Variants in ITSN1 observed in about 807,000 individuals in gnomAD.
ITSN1 encodes intersectin-1.
Under a neutral mutation model 239.8 loss-of-function variants are expected in ITSN1, and 58 were observed. The ratio of observed to expected loss-of-function variants is 0.24; its 90% CI spans 0.20 to 0.30. The LOEUF (loss-of-function observed/expected upper bound fraction) is 0.30, where lower values mean the gene tolerates loss of function less well. ITSN1 is among the 10% of genes least tolerant of loss of function. The probability of loss-of-function intolerance (pLI) is 1.00; values close to 1 mark genes in which losing one functional copy is unlikely to be tolerated. For missense variants in ITSN1, 1,558 were observed against 2,103.3 expected, an observed-to-expected ratio of 0.74 and a Z score of 5.07; for synonymous variants, 780 against 770.8, an observed-to-expected ratio of 1.01 and a Z score of -0.20.
At chr21:33,655,604 G>A (rs1000730104) in intron 1 of ITSN1, among the ~76,000 whole-genome samples, 2 of 55,186 alleles carry the variant, frequency 3.6e-5, no homozygotes, top group Non-Finnish European at 7.7e-5. Context: ...TTTTTTTTTT[G>A]GTATTTTTAG....
chr21:33,718,771 C>T (rs953769336), intron 1 of ITSN1, 26 bp from the exon 2 acceptor site: 17 of 1,509,510 alleles, frequency 1.1e-5, no homozygotes, highest in Admixed American at 3.4e-5. Flanking sequence ...TTTTCATAAA[C>T]TTAAATGTTG....
intron 17 of ITSN1, among the ~76,000 whole-genome samples, chr21:33,795,481 A>C (rs2071472912): frequency 6.6e-6 from 1 of 152,174 alleles, no homozygotes; most frequent in Admixed American, 6.5e-5. Flanking sequence ...AGAAACGGAT[A>C]CTTGAGGCAA....
chr21:33,664,688 G>T (rs2089808855), intron 1 of ITSN1, among the ~76,000 whole-genome samples: 1 of 152,318 alleles, frequency 6.6e-6, no homozygotes, highest in Non-Finnish European at 1.5e-5. Flanking sequence ...TTGTTGTGAG[G>T]ATGTTAAAAC....
chr21:33,679,899 C>T (rs112742772), intron 1 of ITSN1, among the ~76,000 whole-genome samples: 5,805 of 152,002 alleles, frequency 0.038, 371 homozygotes, highest in African/African-American at 0.13. Flanking sequence ...GAGGTTTCAC[C>T]GTGTTAGCCA....
rs187521523 is a variant in ITSN1, at chr21:33,885,324, G to C, written c.4760-115G>C. The C allele has an allele frequency of 2.7e-6, 3 of 1,119,466 alleles. No homozygotes were observed. The South Asian group carries it at 4.0e-5, about 15-fold the overall frequency. 69.3% of individuals were successfully genotyped at this position (1,119,466 alleles called of 1,614,324 possible). On this transcript the variant is annotated intron_variant, in intron 37 of 39. Coordinates refer to ENST00000381318, the MANE Select transcript of ITSN1 (RefSeq NM_003024.3). ...CAAGGAAGCAAGTGTTTAAGGAGAG[G>C]GAAGAATTACTTTTGAGTCGGGAGA...
At chr21:33,734,196 C>T (rs1276393971) in intron 4 of ITSN1, among the ~76,000 whole-genome samples, 1 of 152,142 alleles carries the variant, frequency 6.6e-6, no homozygotes, top group Non-Finnish European at 1.5e-5. Context: ...GAGGTTAAGT[C>T]ATGAATATGC....
intron 34 of ITSN1, among the ~76,000 whole-genome samples, chr21:33,878,296 G>A (rs916382594): frequency 9.2e-5 from 14 of 152,092 alleles, no homozygotes; most frequent in African/African-American, 2.7e-4. Context: ...ACCTCCCAAA[G>A]TGCTGGGATT....
At chr21:33,877,394 G>A (rs1252333517) in intron 34 of ITSN1, among the ~76,000 whole-genome samples, 5 of 152,044 alleles carry the variant, frequency 3.3e-5, no homozygotes, top group African/African-American at 1.2e-4. Flanking sequence ...TATTCCTTCT[G>A]GAAGGACTGT....
chr21:33,692,329 G>A lies in ITSN1; in HGVS notation c.-32-26468G>A, dbSNP rs553249238. ...TAAGCACCCTACCTGGATTCTAGCT[G>A]GCGTGCTTTCTGTTCCATAACTTTA... On this transcript the variant is annotated intron_variant, in intron 1 of 39. Coordinates refer to ENST00000381318, the MANE Select transcript of ITSN1 (RefSeq NM_003024.3). 2.3e-3 allele frequency among the ~76,000 whole-genome samples: 343 copies of A among 152,284 alleles called. 2 individuals carry two copies. The highest frequency in any genetic ancestry group is 8.0e-3 in the African/African-American group (334 of 41,564).
chr21:33,874,198 C>A (rs914439793), intron 33 of ITSN1, among the ~76,000 whole-genome samples: 2 of 150,912 alleles, frequency 1.3e-5, no homozygotes, highest in Non-Finnish European at 3.0e-5. Context: ...TATAACCAAC[C>A]CAAATCATGG....
At chr21:33,805,137 C>A (rs1244362704) in intron 20 of ITSN1, among the ~76,000 whole-genome samples, 1 of 152,210 alleles carries the variant, frequency 6.6e-6, no homozygotes, top group Admixed American at 6.5e-5. Flanking sequence ...GTTAGGTAGT[C>A]AATTTCAGGA....
At chr21:33,683,981 G>C (rs1161476314) in intron 1 of ITSN1, among the ~76,000 whole-genome samples, 1 of 152,188 alleles carries the variant, frequency 6.6e-6, no homozygotes, top group African/African-American at 2.4e-5. Context: ...ATAAAGAGAG[G>C]AAAGGGGGAA....
Position 33,794,425 on chromosome 21 carries a change from C to G in ITSN1, c.1909C>G (p.Arg637Gly). The G allele has an allele frequency of 2.5e-6, 4 of 1,613,470 alleles. No individual in the cohort carries two copies. Among genetic ancestry groups the G allele is most frequent in the Non-Finnish European group, 2.5e-6 (3 of 1,179,700 alleles). The change falls in exon 17 of 40, where the codon CGA becomes GGA. Residue 637 changes from arginine (R) to glycine (G), a missense_variant. Physicochemically the swap from Arg to Gly is moderately radical, Grantham distance 125 (BLOSUM62 -2). This residue lies in a region of ITSN1 where 982 missense variants were observed against 1,209.9 expected (regional missense o/e 0.81). Coordinates refer to ENST00000381318, the MANE Select transcript of ITSN1 (RefSeq NM_003024.3). Reference protein sequence around the residue: ...AERLKQKEQERKIIELEKQKE... With the variant: ...AERLKQKEQEGKIIELEKQKE... Reference sequence around the variant, plus strand: ...ACGACTGAAACAGAAAGAACAAGAACGAAAGATCATAGAATTAGAAAAACA... The same window carrying G: ...ACGACTGAAACAGAAAGAACAAGAAGGAAAGATCATAGAATTAGAAAAACA...
intron 5 of ITSN1, among the ~76,000 whole-genome samples, chr21:33,742,397 AAAG>A (rs1172069201): frequency 1.1e-4 from 17 of 152,216 alleles, no homozygotes; most frequent in Non-Finnish European, 1.5e-5. Context: ...CTCTTAGTAA[AAAG>A]AAATACAAAC....
chr21:33,723,614 CA>C (rs1003528956), intron 4 of ITSN1, among the ~76,000 whole-genome samples: 9 of 145,072 alleles, frequency 6.2e-5, no homozygotes, highest in Admixed American at 1.4e-4. Context: ...ACTCCGTCTC[CA>C]AAAAAAAAAG....
rs1201874453 is a variant in ITSN1 at position 33,791,239 on chromosome 21, G to A, written c.1825-3102G>A. Among the ~76,000 whole-genome samples the A allele has an allele frequency of 2.6e-5, 4 of 152,182 alleles. No individual in the cohort carries two copies. In the East Asian group the frequency reaches 7.7e-4, roughly 29 times the overall value. ...AGCATGTTGATTTCCTTACAACTGT[G>A]TATCTCAGCAGTGTTTGACTTGGAT... On this transcript the variant is annotated intron_variant, in intron 16 of 39. Coordinates refer to ENST00000381318, the MANE Select transcript of ITSN1 (RefSeq NM_003024.3).
In ITSN1 at chr21:33,765,996, A is replaced by G; in HGVS notation, c.910A>G (p.Ile304Val). ...GCCACCTGTCCTGCCTCCAGAATAC[A>G]TTCCACCTTCTTTTAGGTAAGGAAC... ...PLPPVLPPEY[I>V]PPSFRRVRSG... The change falls in exon 10 of 40, where the codon ATT (isoleucine) becomes GTT (valine). Residue 304 changes from isoleucine to valine, a missense_variant. Physicochemically the swap from Ile to Val is conservative, Grantham distance 29. This residue lies in a region of ITSN1 where 982 missense variants were observed against 1,209.9 expected (regional missense o/e 0.81). Coordinates refer to ENST00000381318, the MANE Select transcript of ITSN1 (RefSeq NM_003024.3). 6.2e-7 allele frequency: 1 copy of G among 1,614,166 alleles called. No homozygotes were observed. The highest frequency in any genetic ancestry group is 1.1e-5 in the South Asian group (1 of 91,090).
intron 27 of ITSN1, among the ~76,000 whole-genome samples, chr21:33,830,696 T>A (rs2074245273): frequency 1.3e-5 from 2 of 152,136 alleles, no homozygotes; most frequent in African/African-American, 4.8e-5. Context: ...TTTGGGATAA[T>A]GGACAAAATT....
intron 1 of ITSN1, among the ~76,000 whole-genome samples, chr21:33,687,909 C>A (rs958125750): frequency 6.6e-6 from 1 of 152,142 alleles, no homozygotes; most frequent in Non-Finnish European, 1.5e-5. Context: ...AAGACTGTTT[C>A]TAGGAAAACT....
Sources: allele counts gnomAD v4.1 joint callset (sites outside exome capture counted in the v4.1 genomes callset), GRCh38; gene constraint gnomAD v4.1.1; regional missense constraint gnomAD v4.1.1; transcripts MANE v1.5; gene names NCBI Gene and HGNC (gene_info 2026-07-23, HGNC 2026-07-21).